The following PAX2 variants were observed in gnomAD, a reference collection of about 807,000 sequenced individuals.
PAX2 encodes paired box 2.
Under a neutral mutation model 41.7 loss-of-function variants are expected in PAX2, and 9 were observed. The ratio of observed to expected loss-of-function variants is 0.22; its 90% CI spans 0.13 to 0.38. PAX2 has a LOEUF of 0.38. PAX2 is among the 10% of genes least tolerant of loss of function. The pLI is 1.00. For missense variants in PAX2, 418 were observed against 531.6 expected, an observed-to-expected ratio of 0.79 and a Z score of 2.10; for synonymous variants, 221 against 212.7, an observed-to-expected ratio of 1.04 and a Z score of -0.34.
upstream of PAX2, among the ~76,000 whole-genome samples, chr10:100,742,594 G>T (rs1159081951): frequency 6.6e-6 from 1 of 152,170 alleles, no homozygotes; most frequent in Non-Finnish European, 1.5e-5. Flanking sequence ...CCCGAGATGG[G>T]TATCAGAGCA....
intron 5 of PAX2, among the ~76,000 whole-genome samples, chr10:100,803,489 G>T (rs60349629): frequency 0.066 from 10,011 of 151,958 alleles, 1,078 homozygotes; most frequent in African/African-American, 0.23. Context: ...CCTATGGTAC[G>T]TGTGGTGTAT....
At chr10:100,764,600 A>G (rs1295826993) in intron 3 of PAX2, among the ~76,000 whole-genome samples, 2 of 152,192 alleles carry the variant, frequency 1.3e-5, no homozygotes, top group Non-Finnish European at 2.9e-5. Flanking sequence ...AAGACCCTCT[A>G]TGATTCAGTA....
Position 100,746,208 on chromosome 10 carries a change from T to C in PAX2, c.-53T>C. The stretch of plus-strand genomic sequence containing the variant: ...TCTCCTCAAGTCCTGAAGTTGAGTT[T>C]GAGAGGCGACACGGCGGCGGCGGCC... On this transcript the variant is annotated 5_prime_UTR_variant, in exon 1 of 10. Coordinates refer to ENST00000355243, the MANE Select transcript of PAX2 (RefSeq NM_000278.5). 2 of 1,613,458 alleles carry C rather than the reference T, an allele frequency of 1.2e-6. No individual in the cohort carries two copies. Among genetic ancestry groups the C allele is most frequent in the Non-Finnish European group, 8.5e-7 (1 of 1,179,698 alleles).
chr10:100,810,841 T>C (rs1847966173), intron 7 of PAX2, among the ~76,000 whole-genome samples: 1 of 152,136 alleles, frequency 6.6e-6, no homozygotes, highest in Admixed American at 6.5e-5. Flanking sequence ...GCCTCCACCT[T>C]GAGCAGCCCC....
At chr10:100,766,258 C>G (rs772094399) in intron 3 of PAX2, among the ~76,000 whole-genome samples, 4 of 152,232 alleles carry the variant, frequency 2.6e-5, no homozygotes, top group African/African-American at 4.8e-5. Flanking sequence ...TTTGCAGTCT[C>G]TTACAAGCTC....
At position 100,827,182 on chromosome 10, in the gene PAX2, G is replaced by A. The variant is rs1848603342; in HGVS notation, c.1108+87G>A. On this transcript the variant is annotated intron_variant, in intron 9 of 9. Transcript: ENST00000355243. The surrounding 1 kb of genome is among the most constrained non-coding windows in gnomAD (Gnocchi z 8.5). ...CCACTCCCGGCGACCCGACCTCTGG[G>A]GACCCGGCCGGGCCAGGGGGACAGG... 2 of 1,093,744 alleles carry A rather than the reference G, an allele frequency of 1.8e-6. No homozygotes were observed. Among genetic ancestry groups the A allele is most frequent in the Middle Eastern group, 3.9e-4 (2 of 5,102 alleles). 67.8% of individuals were successfully genotyped at this position (1,093,744 alleles called of 1,614,324 possible).
At chr10:100,744,921 CTT>C (rs1845094682), upstream of PAX2, among the ~76,000 whole-genome samples, 1 of 152,170 alleles carries the variant, frequency 6.6e-6, no homozygotes, top group African/African-American at 2.4e-5. Flanking sequence ...CTGCTGGACA[CTT>C]TTCCGTGGAA....
intron 3 of PAX2, among the ~76,000 whole-genome samples, chr10:100,755,181 C>T (rs1403197795): frequency 6.6e-6 from 1 of 152,220 alleles, no homozygotes; most frequent in African/African-American, 2.4e-5. Context: ...CTGGAGTTGT[C>T]CTCCTGAAAA....
intron 7 of PAX2, among the ~76,000 whole-genome samples, chr10:100,814,033 T>G (rs192859040): frequency 2.6e-5 from 4 of 152,090 alleles, no homozygotes; most frequent in Admixed American, 2.0e-4. Context: ...TGCTATAAAC[T>G]CAGCATGTTT....
In PAX2 at chr10:100,750,754, G is replaced by C. The variant is rs769483204; in HGVS notation, c.273G>C (p.Ala91=). Residue 91 remains alanine, a synonymous_variant, in exon 3 of 10, where the codon GCG becomes GCC. Coordinates refer to ENST00000355243, the MANE Select transcript of PAX2 (RefSeq NM_000278.5). The surrounding 1 kb of genome is among the most constrained non-coding windows in gnomAD (Gnocchi z 4.1). ...TCGGTGGCTCCAAGCCCAAAGTGGC[G>C]ACGCCCAAAGTGGTGGACAAGATTG... ...GVIGGSKPKV[A]TPKVVDKIAE... is the part of the protein sequence containing the mutation. 1.1e-5 allele frequency: 17 copies of C among 1,614,080 alleles called. No homozygotes were observed. In the African/African-American group the frequency reaches 1.1e-4, roughly 10 times the overall value.
At chr10:100,739,703 C>T (rs1013113545) in intron 1 of PAX2, among the ~76,000 whole-genome samples, 12 of 152,246 alleles carry the variant, frequency 7.9e-5, no homozygotes, top group African/African-American at 2.9e-4. Flanking sequence ...CTGCCCCCAC[C>T]CTCCGCAGGT....
rs950078026 is a variant in PAX2 at position 100,749,922 on chromosome 10, C to T, written c.212+8C>T. 1.2e-6 allele frequency: 2 copies of T among 1,611,024 alleles called. No individual in the cohort carries two copies. Among genetic ancestry groups the T allele is most frequent in the Admixed American group, 1.7e-5 (1 of 59,976 alleles). Reference sequence around the variant, plus strand: ...CAGCAAAATCCTGGGCAGGTGAGGGCTTCGCAGCTGTCCCGGGAGACGCCT... The same window carrying T: ...CAGCAAAATCCTGGGCAGGTGAGGGTTTCGCAGCTGTCCCGGGAGACGCCT... On this transcript the variant is annotated splice_region_variant and intron_variant, in intron 2 of 9. Transcript: ENST00000355243.
intron 5 of PAX2, 71 bp downstream of exon 5, chr10:100,781,436 G>A (rs1323278907): frequency 4.6e-6 from 7 of 1,531,100 alleles, no homozygotes; most frequent in Non-Finnish European, 6.3e-6. Flanking sequence ...TCCGGTTTCG[G>A]CCTGGCCTCG....
chr10:100,812,753 T>C (rs1338129602), intron 7 of PAX2, among the ~76,000 whole-genome samples: 1 of 152,242 alleles, frequency 6.6e-6, no homozygotes, highest in Non-Finnish European at 1.5e-5. Context: ...GATGTTGATC[T>C]GGGAGGAGAA....
chr10:100,782,835 T>C (rs968747037), intron 5 of PAX2, among the ~76,000 whole-genome samples: 3 of 152,268 alleles, frequency 2.0e-5, no homozygotes, highest in Non-Finnish European at 4.4e-5. Context: ...AGGCTCCCTG[T>C]GCTCAGGCCT....
chr10:100,823,820 C>G (rs1227728354), intron 7 of PAX2, among the ~76,000 whole-genome samples: 1 of 152,092 alleles, frequency 6.6e-6, no homozygotes, highest in Non-Finnish European at 1.5e-5. Context: ...GCAGCTGTGT[C>G]CCAGAGGACA....
chr10:100,748,523 C>T lies in PAX2; in HGVS notation c.44-1223C>T, dbSNP rs912523331. The T allele has an allele frequency of 2.5e-5, 25 of 985,264 alleles. No homozygotes were observed. The highest frequency in any genetic ancestry group is 3.0e-5 in the Non-Finnish European group (25 of 829,912). The allele number at this position is 985,264 out of a possible 1,614,324, so 61.0% of individuals were successfully genotyped here. A position where few individuals can be genotyped will look rare whatever the true frequency, so the allele number is the denominator to read the frequency against. On this transcript the variant is annotated intron_variant, in intron 1 of 9. Transcript: ENST00000355243. This position sits in a 1 kb window ranked among gnomAD's most constrained non-coding sequence, Gnocchi z 5.0. ...CTAGCGGGGCAGGGGCTGCAGCTTG[C>T]CAGTCCGGGCCGACCCGACTCGGCC...
intron 5 of PAX2, among the ~76,000 whole-genome samples, chr10:100,793,837 T>A (rs766176214): frequency 7.9e-5 from 12 of 152,114 alleles, no homozygotes; most frequent in African/African-American, 9.7e-5. Context: ...GTGCCCAGTG[T>A]GTTGGGAGGT....
intron 5 of PAX2, among the ~76,000 whole-genome samples, chr10:100,797,451 C>T (rs1847378905): frequency 1.3e-5 from 2 of 152,202 alleles, no homozygotes; most frequent in Admixed American, 1.3e-4. Flanking sequence ...TTCATTTCCC[C>T]ATCTACAAAA....
Sources: allele counts gnomAD v4.1 joint callset (sites outside exome capture counted in the v4.1 genomes callset), GRCh38; gene constraint gnomAD v4.1.1; non-coding constraint Gnocchi (gnomAD v3.1); transcripts MANE v1.5; gene names NCBI Gene and HGNC (gene_info 2026-07-23, HGNC 2026-07-21).